MTIF2: variants seen among roughly 807,000 people sequenced by gnomAD.
MTIF2 encodes translation initiation factor IF-2, mitochondrial.
A neutral mutation model predicts 83.5 loss-of-function variants in MTIF2; 71 were observed. That is an observed-to-expected ratio of 0.85 (90% CI 0.70 to 1.04). The LOEUF (loss-of-function observed/expected upper bound fraction) is 1.04, where lower values mean the gene tolerates loss of function less well. Among genes scored for constraint, MTIF2 ranks in the 50% least tolerant of loss-of-function variants. MTIF2 has a pLI of 0.00. For missense variants in MTIF2, 957 were observed against 846.5 expected (o/e 1.13, Z -1.62); for synonymous variants, 319 against 287.1 (o/e 1.11, Z -1.12).
At chr2:55,268,791 T>A (rs983568889) in intron 1 of MTIF2, 52 bp from the exon 2 acceptor site, 1 of 152,206 alleles carries the variant, frequency 6.6e-6, no homozygotes, top group Non-Finnish European at 1.5e-5. Flanking sequence ...AACGTCTGAA[T>A]GTGAGCTGGA....
At chr2:55,258,855 C>T (rs545242581) in intron 5 of MTIF2, among the ~76,000 whole-genome samples, 37 of 151,506 alleles carry the variant, frequency 2.4e-4, no homozygotes, top group Non-Finnish European at 4.6e-4. Flanking sequence ...TGTTAGGCAC[C>T]TGTAATCCCA....
chr2:55,249,407 G>A lies in MTIF2; in HGVS notation c.969C>T (p.Val323=). ...DYGGDVQAVP[V]SALTGDNLMA... is the part of the protein sequence containing the mutation. ...TCCCCGCATTTACCGTAAGTGCGGA[G>A]ACAGGCACTGCTTGAACATCACCTC... Residue 323 remains valine, a synonymous_variant, in exon 9 of 16, where the codon GTC becomes GTT. Transcript: ENST00000263629. 1 of 1,614,138 alleles carries A rather than the reference G, an allele frequency of 6.2e-7. No homozygotes were observed. The highest frequency in any genetic ancestry group is 8.5e-7 in the Non-Finnish European group (1 of 1,180,008).
chr2:55,237,682 ACT>A (rs1285681856), intron 14 of MTIF2, among the ~76,000 whole-genome samples: 1 of 113,016 alleles, frequency 8.8e-6, no homozygotes. Context: ...ACAGAGTCTC[ACT>A]CTGTCATCCA....
At chr2:55,241,753 G>GT (rs1452968889) in intron 13 of MTIF2, among the ~76,000 whole-genome samples, 1 of 151,352 alleles carries the variant, frequency 6.6e-6, no homozygotes, top group Non-Finnish European at 1.5e-5. Context: ...TGGGGCAGGA[G>GT]AATCGCTTGA....
chr2:55,258,459 A>G (rs549369961), intron 5 of MTIF2, among the ~76,000 whole-genome samples: 3 of 152,144 alleles, frequency 2.0e-5, no homozygotes, highest in Admixed American at 2.0e-4. Context: ...ACCTGAGGTC[A>G]GGAGTTCGAG....
At chr2:55,243,221 A>T in intron 12 of MTIF2, 141 bp from the exon 13 acceptor site, 2 of 1,049,250 alleles carry the variant, frequency 1.9e-6, no homozygotes, top group Non-Finnish European at 2.7e-6. Context: ...AGCATTACAC[A>T]TATCTACTTG....
chr2:55,246,080 T>C (rs1676676038), intron 10 of MTIF2, among the ~76,000 whole-genome samples: 1 of 152,126 alleles, frequency 6.6e-6, no homozygotes, highest in African/African-American at 2.4e-5. Context: ...GGAAAAAAAA[T>C]AAAACAAATT....
chr2:55,262,117 A>G (rs1678048715), intron 5 of MTIF2, among the ~76,000 whole-genome samples, 199 bp downstream of exon 5: 1 of 152,228 alleles, frequency 6.6e-6, no homozygotes, highest in African/African-American at 2.4e-5. Flanking sequence ...AATTAAAAGC[A>G]AAATCTTGGA....
Position 55,246,441 on chromosome 2 carries a change from C to T in MTIF2, c.1002G>A (p.Leu334=), listed in dbSNP as rs760259874. 1 of 1,613,474 alleles carries T rather than the reference C, an allele frequency of 6.2e-7. No homozygotes were observed. Among genetic ancestry groups the T allele is most frequent in the Non-Finnish European group, 8.5e-7 (1 of 1,179,530 alleles). ...SALTGDNLMA[L]AEATVALAEM... is the part of the protein sequence containing the mutation. ...CTGCAAGAGCAACTGTTGCTTCTGC[C>T]AAAGCCATCAGATTATCGCCCTTTA... The change falls in exon 10 of 16, where the codon TTG becomes TTA. Residue 334 remains leucine, a synonymous_variant. Transcript: ENST00000263629.
intron 9 of MTIF2, among the ~76,000 whole-genome samples, chr2:55,247,128 A>G (rs1037645558): frequency 1.3e-5 from 2 of 152,146 alleles, no homozygotes; most frequent in African/African-American, 4.8e-5. Flanking sequence ...TTCATGGTCT[A>G]TGTTTACTGT....
At chr2:55,263,060 AC>A (rs1333465118) in intron 4 of MTIF2, among the ~76,000 whole-genome samples, 16 of 151,942 alleles carry the variant, frequency 1.1e-4, no homozygotes, top group African/African-American at 3.9e-4. Flanking sequence ...ATGGGGTTTC[AC>A]CATGTTGGCC....
chr2:55,267,185 T>C (rs1268424831), intron 3 of MTIF2, among the ~76,000 whole-genome samples: 1 of 151,430 alleles, frequency 6.6e-6, no homozygotes, highest in East Asian at 2.0e-4. Flanking sequence ...TGAGATGGAG[T>C]TTTGCTCATC....
intron 7 of MTIF2, among the ~76,000 whole-genome samples, chr2:55,253,725 G>T (rs78782883): frequency 7.2e-6 from 1 of 139,292 alleles, no homozygotes; most frequent in African/African-American, 2.7e-5. Flanking sequence ...TGAGGCAGGA[G>T]AACTGCTTGA....
At chr2:55,243,209 T>G in intron 12 of MTIF2, 129 bp from the exon 13 acceptor site, 1 of 1,097,438 alleles carries the variant, frequency 9.1e-7, no homozygotes, top group Non-Finnish European at 1.3e-6. Context: ...TTATTTAGGC[T>G]TAGCATTACA....
intron 13 of MTIF2, 144 bp from the exon 14 acceptor site, chr2:55,240,319 G>A (rs1051583705): frequency 1.1e-5 from 8 of 737,116 alleles, no homozygotes; most frequent in Admixed American, 3.0e-5. Flanking sequence ...AGTGGCTCAC[G>A]CCTGTAATCC....
rs1475291401 is a variant in MTIF2, at chr2:55,243,677, G to A, written c.1312-9C>T. On this transcript the variant is annotated splice_polypyrimidine_tract_variant and intron_variant, in intron 11 of 15. Transcript: ENST00000263629. ...ACTTCACGTGCCCTTGGCTTTATAG[G>A]GGAAAAACGTATTATTTAATGAAAT... 2 of 1,607,064 alleles carry A rather than the reference G, an allele frequency of 1.2e-6. No homozygotes were observed. Among genetic ancestry groups the A allele is most frequent in the Non-Finnish European group, 1.7e-6 (2 of 1,177,582 alleles).
chr2:55,266,742 C>T (rs964166231), intron 3 of MTIF2, among the ~76,000 whole-genome samples: 3 of 143,224 alleles, frequency 2.1e-5, no homozygotes, highest in African/African-American at 5.2e-5. Flanking sequence ...GATAACTAGG[C>T]ATTAAATGCT....
intron 5 of MTIF2, among the ~76,000 whole-genome samples, chr2:55,261,894 A>G (rs956335634): frequency 2.5e-4 from 37 of 149,410 alleles, no homozygotes; most frequent in Non-Finnish European, 5.5e-4. Flanking sequence ...AGCCATGATC[A>G]TGCCACTATA....
Position 55,252,552 on chromosome 2 carries a change from C to A in MTIF2, c.766G>T (p.Val256Leu). The change falls in exon 8 of 16, where the codon GTA becomes TTA. Residue 256 changes from valine to leucine, a missense_variant. Around this residue, in one of 3 missense-constraint regions of MTIF2, gnomAD observed 733 missense variants for 648.7 expected, o/e 1.13. Coordinates refer to ENST00000263629, the MANE Select transcript of MTIF2 (RefSeq NM_002453.3). ...ARGAQVTDIV[V>L]LVVAADDGVM... Reference sequence around the variant, plus strand: ...CCATCATCTGCAGCTACAACCAATACGACAATGTCAGTGACCTGAGCACCT... The same window carrying A: ...CCATCATCTGCAGCTACAACCAATAAGACAATGTCAGTGACCTGAGCACCT... The A allele has an allele frequency of 6.2e-7, 1 of 1,614,100 alleles. No individual in the cohort carries two copies. The highest frequency in any genetic ancestry group is 8.5e-7 in the Non-Finnish European group (1 of 1,179,964).
Sources: allele counts gnomAD v4.1 joint callset (sites outside exome capture counted in the v4.1 genomes callset), GRCh38; gene constraint gnomAD v4.1.1; regional missense constraint gnomAD v4.1.1; transcripts MANE v1.5; gene names NCBI Gene and HGNC (gene_info 2026-07-23, HGNC 2026-07-21).